FNBP1: variants seen among roughly 807,000 people sequenced by gnomAD.
The protein encoded by FNBP1 is formin-binding protein 1.
In FNBP1, 26 loss-of-function variants were observed where a neutral mutation model predicts 90.6. That is an observed-to-expected ratio of 0.29 (90% CI 0.21 to 0.40). FNBP1 has a LOEUF of 0.40. FNBP1 is among the 10% of genes least tolerant of loss of function. The pLI, the probability that FNBP1 is intolerant of heterozygous loss-of-function variation, is 1.00. For missense variants in FNBP1, 635 were observed against 768.0 expected (o/e 0.83, Z 2.05); for synonymous variants, 260 against 265.2 (o/e 0.98, Z 0.19).
chr9:130,048,851 G>A, the FNBP1 span, among the ~76,000 whole-genome samples: 2 of 148,556 alleles, frequency 1.3e-5, no homozygotes, highest in African/African-American at 5.0e-5. Flanking sequence ...CGCCATCTCC[G>A]CTCACTGCAA....
intron 2 of FNBP1, among the ~76,000 whole-genome samples, chr9:129,984,066 T>C (rs1444962956): frequency 6.6e-6 from 1 of 152,092 alleles, no homozygotes; most frequent in Non-Finnish European, 1.5e-5. Context: ...AATGACTTAC[T>C]CGGCCCTATT....
At position 129,929,562 on chromosome 9, in the gene FNBP1, C is replaced by T. The variant is rs1461494450; in HGVS notation, c.642+5G>A. On this transcript the variant is annotated splice_donor_5th_base_variant and intron_variant, in intron 7 of 16. Coordinates refer to ENST00000446176, the MANE Select transcript of FNBP1 (RefSeq NM_015033.3). Reference sequence around the variant, plus strand: ...CATGAAATCTGAGAGATGTTCAGGACTTACCTGGAAGATGTTGGGGATGTG... The same window carrying T: ...CATGAAATCTGAGAGATGTTCAGGATTTACCTGGAAGATGTTGGGGATGTG... The T allele has an allele frequency of 6.2e-7, 1 of 1,613,394 alleles. No individual in the cohort carries two copies. The highest frequency in any genetic ancestry group is 8.5e-7 in the Non-Finnish European group (1 of 1,179,556).
intron 2 of FNBP1, among the ~76,000 whole-genome samples, chr9:129,984,763 C>T (rs142629547): frequency 0.02 from 3,095 of 152,216 alleles, 58 homozygotes; most frequent in Admixed American, 0.032. Context: ...GTGCTATTCT[C>T]GTGATAGTGA....
chr9:130,006,886 T>C (rs993888573), intron 1 of FNBP1, among the ~76,000 whole-genome samples: 25 of 151,956 alleles, frequency 1.6e-4, no homozygotes, highest in African/African-American at 5.6e-4. Context: ...GTTAAAAAAA[T>C]AAAACTTAGC....
chr9:129,897,561 T>A (rs2035994249), intron 15 of FNBP1, among the ~76,000 whole-genome samples: 1 of 152,230 alleles, frequency 6.6e-6, no homozygotes, highest in African/African-American at 2.4e-5. Context: ...AATTTATTCA[T>A]TATATTAAAA....
intron 11 of FNBP1, among the ~76,000 whole-genome samples, chr9:129,913,101 G>A (rs1588490008): frequency 6.6e-6 from 1 of 151,788 alleles, no homozygotes; most frequent in Non-Finnish European, 1.5e-5. Context: ...CCAGCTACTC[G>A]GGAGGCTGAA....
chr9:129,905,313 T>TATATATATATATATATATATATATATA (rs1554766990), intron 12 of FNBP1, among the ~76,000 whole-genome samples: 4 of 145,586 alleles, frequency 2.7e-5, no homozygotes, highest in African/African-American at 1.0e-4. Flanking sequence ...TATATATATA[T>TATATATATATATATATATATATATATA]TTTGTTAATT....
At chr9:129,995,296 A>G (rs530388534) in intron 1 of FNBP1, among the ~76,000 whole-genome samples, 1 of 152,342 alleles carries the variant, frequency 6.6e-6, no homozygotes, top group East Asian at 1.9e-4. Flanking sequence ...ACACAGCCAC[A>G]CACGGTTTGC....
intron 11 of FNBP1, among the ~76,000 whole-genome samples, chr9:129,915,735 G>A (rs749262890): frequency 7.9e-5 from 12 of 152,130 alleles, no homozygotes; most frequent in Non-Finnish European, 1.5e-4. Context: ...ACACCAAGTC[G>A]TGAGTTAAAT....
intron 10 of FNBP1, among the ~76,000 whole-genome samples, chr9:129,921,870 A>G (rs575538999): frequency 1.0e-3 from 156 of 152,316 alleles, no homozygotes; most frequent in Non-Finnish European, 1.3e-3. Flanking sequence ...TCCCAGGCCA[A>G]TGTGTCAGTT....
upstream of FNBP1, among the ~76,000 whole-genome samples, chr9:130,047,396 T>C (rs181597551): frequency 1.3e-5 from 2 of 152,188 alleles, no homozygotes; most frequent in East Asian, 3.9e-4. Context: ...GGATGGATCA[T>C]GAGGTCAGGA....
chr9:130,002,748 T>C lies in FNBP1; in HGVS notation c.25-7790A>G, dbSNP rs1030620809. ...ACAGACTATAACCCATACTTTCAAC[T>C]ATTCACTCTAAGATTGCCAAGAGGA... On this transcript the variant is annotated intron_variant, in intron 1 of 16. Coordinates refer to ENST00000446176, the MANE Select transcript of FNBP1 (RefSeq NM_015033.3). 8.6e-4 allele frequency among the ~76,000 whole-genome samples: 131 copies of C among 152,198 alleles called. 12 individuals carry two copies. The highest frequency in any genetic ancestry group is 2.9e-5 in the Non-Finnish European group (2 of 68,044).
chr9:129,938,286 G>A (rs749551191), intron 6 of FNBP1, among the ~76,000 whole-genome samples: 4 of 152,166 alleles, frequency 2.6e-5, no homozygotes, highest in Non-Finnish European at 4.4e-5. Flanking sequence ...ATGATAAACG[G>A]CATTGTTTAA....
At chr9:130,026,135 G>A (rs2058316736) in intron 1 of FNBP1, among the ~76,000 whole-genome samples, 1 of 151,978 alleles carries the variant, frequency 6.6e-6, no homozygotes. Flanking sequence ...GAACCAAGCA[G>A]TCTAGCTCCA....
chr9:129,897,332 A>T (rs76472748), intron 15 of FNBP1, among the ~76,000 whole-genome samples: 3,248 of 152,220 alleles, frequency 0.021, 117 homozygotes, highest in African/African-American at 0.075. Context: ...CAAGGCAAAG[A>T]GTTTAGGGAG....
chr9:129,918,194 G>T (rs186081463), intron 10 of FNBP1, among the ~76,000 whole-genome samples: 24 of 152,240 alleles, frequency 1.6e-4, no homozygotes, highest in African/African-American at 5.5e-4. Context: ...CATTGAATAG[G>T]AAATACCAAA....
In FNBP1 at chr9:130,013,706, A is replaced by T. The variant is rs1313531746; in HGVS notation, c.25-18748T>A. The T allele has an allele frequency of 6.6e-6, 3 of 456,526 alleles. No individual in the cohort carries two copies. The Admixed American group carries it at 7.1e-5, about 11-fold the overall frequency. The allele number at this position is 456,526 out of a possible 1,614,324, so 28.3% of individuals were successfully genotyped here. On this transcript the variant is annotated intron_variant, in intron 1 of 16. Coordinates refer to ENST00000446176, the MANE Select transcript of FNBP1 (RefSeq NM_015033.3). Reference sequence around the variant, plus strand: ...TTGGCAACAACCTGCTTTGTTGTCAATGTGTTCCCCAAAGTTCATGTGTCA... The same window carrying T: ...TTGGCAACAACCTGCTTTGTTGTCATTGTGTTCCCCAAAGTTCATGTGTCA...
chr9:129,995,846 A>G (rs1052367307), intron 1 of FNBP1, among the ~76,000 whole-genome samples: 1 of 152,216 alleles, frequency 6.6e-6, no homozygotes, highest in Non-Finnish European at 1.5e-5. Flanking sequence ...TAGATCACCC[A>G]AGGCCTTGAA....
chr9:130,013,920 A>C, intron 1 of FNBP1: 1 of 445,416 alleles, frequency 2.2e-6, no homozygotes, highest in Non-Finnish European at 4.5e-6. Context: ...ATATTCTTGG[A>C]CTTTCCAACC....
Sources: allele counts gnomAD v4.1 joint callset (sites outside exome capture counted in the v4.1 genomes callset), GRCh38; gene constraint gnomAD v4.1.1; transcripts MANE v1.5; gene names NCBI Gene and HGNC (gene_info 2026-07-23, HGNC 2026-07-21).